The following ATP9B variants were observed in gnomAD, a reference collection of about 807,000 sequenced individuals.
ATP9B encodes the protein ATPase phospholipid transporting 9B, also known as probable phospholipid-transporting ATPase IIB.
ATP9B carries 110 observed loss-of-function variants against 146.1 expected under a neutral mutation model. That is an observed-to-expected ratio of 0.75 (90% CI 0.65 to 0.88). The LOEUF (loss-of-function observed/expected upper bound fraction) is 0.88, where lower values mean the gene tolerates loss of function less well. Ranked by LOEUF, ATP9B falls within the 40% of genes least tolerant of loss-of-function variation. ATP9B has a pLI of 0.00. For synonymous variants in ATP9B, 604 were observed against 569.7 expected (o/e 1.06, Z -0.86); for missense variants, 1,499 against 1,496.4 (o/e 1.00, Z -0.03).
chr18:79,161,974 TTC>T (rs1167872320), intron 7 of ATP9B, among the ~76,000 whole-genome samples: 3 of 152,270 alleles, frequency 2.0e-5, no homozygotes, highest in African/African-American at 7.2e-5. Flanking sequence ...GCTTTAGAAA[TTC>T]TGTTTATGTG....
chr18:79,082,896 G>T (rs2073416830), intron 1 of ATP9B, among the ~76,000 whole-genome samples: 1 of 152,218 alleles, frequency 6.6e-6, no homozygotes, highest in African/African-American at 2.4e-5. Flanking sequence ...GGATCCACTT[G>T]AGGAGGCAGT....
intron 7 of ATP9B, among the ~76,000 whole-genome samples, chr18:79,175,202 AAAAAAAAAAAAG>A (rs2095144384): frequency 6.6e-6 from 1 of 151,414 alleles, no homozygotes; most frequent in South Asian, 2.1e-4. Flanking sequence ...TGTCTCAAAA[AAAAAAAAAAAAG>A]AAAAAAAAAA....
In ATP9B at chr18:79,318,854, A is replaced by G. The variant is rs117886311; in HGVS notation, c.1774-10287A>G. Among the ~76,000 whole-genome samples, 299 of 152,360 alleles carry G rather than the reference A, an allele frequency of 2.0e-3. 2 individuals are homozygous for G. The East Asian group carries it at 0.03, about 15-fold the overall frequency. ...TGTATGGAAGACACAGGGTCACTGC[A>G]GGATAGCATGACTTCAGGTCCCACT... On this transcript the variant is annotated intron_variant, in intron 15 of 29. Coordinates refer to ENST00000426216, the MANE Select transcript of ATP9B (RefSeq NM_198531.5).
At chr18:79,262,766 T>G (rs2096157103) in intron 12 of ATP9B, among the ~76,000 whole-genome samples, 1 of 152,182 alleles carries the variant, frequency 6.6e-6, no homozygotes, top group Admixed American at 6.5e-5. Flanking sequence ...ATCTAGCACT[T>G]AGCACCCGTA....
intron 5 of ATP9B, among the ~76,000 whole-genome samples, chr18:79,129,699 G>C (rs549002676): frequency 6.6e-6 from 1 of 151,870 alleles, no homozygotes; most frequent in African/African-American, 2.4e-5. Flanking sequence ...GGGAGAAATA[G>C]CTAATTTCCA....
chr18:79,118,745 T>C (rs2094138045), intron 4 of ATP9B, among the ~76,000 whole-genome samples: 1 of 152,016 alleles, frequency 6.6e-6, no homozygotes, highest in South Asian at 2.1e-4. Context: ...CCCCTTTTTT[T>C]CTATTCATAG....
At chr18:79,225,856 C>T (rs1387650981) in intron 11 of ATP9B, among the ~76,000 whole-genome samples, 3 of 103,876 alleles carry the variant, frequency 2.9e-5, no homozygotes, top group Admixed American at 1.0e-4. Context: ...CCCGCAGTCG[C>T]AGGGCGGCCA....
chr18:79,182,221 A>C (rs1211966172), intron 8 of ATP9B, among the ~76,000 whole-genome samples: 1 of 152,028 alleles, frequency 6.6e-6, no homozygotes, highest in African/African-American at 2.4e-5. Flanking sequence ...GTGCCTCTGA[A>C]CTCTGGCTAG....
chr18:79,367,369 G>A (rs12955817), intron 26 of ATP9B, among the ~76,000 whole-genome samples: 10 of 53,786 alleles, frequency 1.9e-4, no homozygotes, highest in Non-Finnish European at 3.2e-4. Flanking sequence ...ATCTTCACCT[G>A]CACTGTGTGT....
chr18:79,342,490 A>T (rs1432799567), intron 20 of ATP9B, 124 bp downstream of exon 20: 29 of 609,334 alleles, frequency 4.8e-5, no homozygotes, highest in Non-Finnish European at 7.2e-5. Flanking sequence ...AACTACTGTA[A>T]TTTTTTTAAT....
chr18:79,213,553 A>G (rs1420904877), intron 10 of ATP9B, among the ~76,000 whole-genome samples: 2 of 152,154 alleles, frequency 1.3e-5, no homozygotes, highest in Non-Finnish European at 2.9e-5. Context: ...CACTAAAAGA[A>G]AGTGGTTCAT....
At chr18:79,375,898 T>C (rs2097099292) in intron 29 of ATP9B, 1 of 985,444 alleles carries the variant, frequency 1.0e-6, no homozygotes, top group Admixed American at 6.1e-5. Flanking sequence ...GGATTTCCAC[T>C]ATATGTAGAT....
chr18:79,371,985 A>G (rs1167174784), intron 26 of ATP9B, among the ~76,000 whole-genome samples: 4 of 152,258 alleles, frequency 2.6e-5, no homozygotes, highest in Non-Finnish European at 5.9e-5. Flanking sequence ...TGCTCTGTGT[A>G]ACTGAGAAAA....
In ATP9B at chr18:79,160,620, T is replaced by C. The variant is rs576592977; in HGVS notation, c.778+6065T>C. The stretch of plus-strand genomic sequence containing the variant: ...ATAGATTGTGTTAGAAGATAAATTA[T>C]GAACAAAGTCAAGCACTTTAAAGCT... On this transcript the variant is annotated intron_variant, in intron 7 of 29. Transcript: ENST00000426216. 1.8e-4 allele frequency among the ~76,000 whole-genome samples: 28 copies of C among 152,372 alleles called. No homozygotes were observed. The East Asian group carries it at 4.4e-3, about 24-fold the overall frequency.
At chr18:79,120,609 A>G (rs766321049) in intron 4 of ATP9B, among the ~76,000 whole-genome samples, 2 of 152,216 alleles carry the variant, frequency 1.3e-5, no homozygotes, top group African/African-American at 2.4e-5. Flanking sequence ...TTTCAGAACA[A>G]TTCTTTAAAG....
At chr18:79,268,802 G>A (rs567792602) in intron 12 of ATP9B, among the ~76,000 whole-genome samples, 19 of 152,216 alleles carry the variant, frequency 1.2e-4, no homozygotes, top group African/African-American at 3.1e-4. Flanking sequence ...AAATGTGTTC[G>A]CTTTTTGTGC....
intron 1 of ATP9B, among the ~76,000 whole-genome samples, chr18:79,074,654 G>A (rs1438621832): frequency 6.6e-6 from 1 of 152,212 alleles, no homozygotes; most frequent in Non-Finnish European, 1.5e-5. Context: ...GGAGAGGGGA[G>A]CCTCAGGCCC....
At chr18:79,281,581 G>T (rs967420866) in intron 13 of ATP9B, among the ~76,000 whole-genome samples, 1 of 151,870 alleles carries the variant, frequency 6.6e-6, no homozygotes, top group African/African-American at 2.4e-5. Flanking sequence ...ATACTTAAAA[G>T]AAATTTTAAG....
At chr18:79,116,961 T>G (rs1465589865) in intron 4 of ATP9B, among the ~76,000 whole-genome samples, 4 of 99,816 alleles carry the variant, frequency 4.0e-5, no homozygotes, top group Admixed American at 1.9e-4. Flanking sequence ...AAAAAAGAAA[T>G]AATGATTGAT....
Sources: gnomAD v4.1 joint callset for allele counts (sites outside exome capture counted in the v4.1 genomes callset) on GRCh38, gnomAD v4.1.1 for gene constraint, MANE v1.5 for transcripts, NCBI Gene and HGNC (gene_info 2026-07-23, HGNC 2026-07-21) for gene names.